TMSB15B: variants seen among roughly 807,000 people sequenced by gnomAD.
TMSB15B encodes the protein thymosin beta 15B.
At chrX:103,943,410 C>T (rs1482002796) in intron 1 of TMSB15B, among the ~76,000 whole-genome samples, 1 of 111,729 alleles carries the variant, frequency 9.0e-6, no homozygotes, top group Non-Finnish European at 1.9e-5. Flanking sequence ...CAAACATGTT[C>T]GATTAAAAAT....
chrX:103,925,763 C>T (rs2074966494), intron 1 of TMSB15B, among the ~76,000 whole-genome samples: 1 of 112,361 alleles, frequency 8.9e-6, no homozygotes, highest in Admixed American at 9.4e-5. Context: ...AATCCTAGCC[C>T]AGTTTTCTTT....
At chrX:103,926,406 G>T (rs1355739042) in intron 1 of TMSB15B, among the ~76,000 whole-genome samples, 1 of 91,554 alleles carries the variant, frequency 1.1e-5, no homozygotes, top group Non-Finnish European at 2.2e-5. Flanking sequence ...GGAGCAGGGG[G>T]GATAGAATGA....
At chrX:103,930,740 A>G (rs1369044407) in intron 1 of TMSB15B, among the ~76,000 whole-genome samples, 5 of 104,945 alleles carry the variant, frequency 4.8e-5, no homozygotes, top group Non-Finnish European at 7.7e-5. Context: ...TAATAATAAT[A>G]ATAATAATAA....
chrX:103,925,190 T>A (rs1223092674), intron 1 of TMSB15B, among the ~76,000 whole-genome samples: 1 of 112,218 alleles, frequency 8.9e-6, no homozygotes, highest in East Asian at 2.8e-4. Context: ...TGGGTCTTAA[T>A]GTCCTGGTTT....
At chrX:103,940,354 C>G (rs2075009427) in intron 1 of TMSB15B, among the ~76,000 whole-genome samples, 1 of 112,130 alleles carries the variant, frequency 8.9e-6, no homozygotes. Flanking sequence ...GATGCCCTGC[C>G]CAGAGAGGAG....
chrX:103,929,660 T>A (rs1176034158), intron 1 of TMSB15B, among the ~76,000 whole-genome samples: 6 of 111,031 alleles, frequency 5.4e-5, no homozygotes, highest in African/African-American at 2.0e-4. Flanking sequence ...TGGATGGAAA[T>A]GATAAAACTT....
At chrX:103,955,075 G>T (rs1340551546) in intron 1 of TMSB15B, among the ~76,000 whole-genome samples, 1 of 111,362 alleles carries the variant, frequency 9.0e-6, no homozygotes, top group Non-Finnish European at 1.9e-5. Flanking sequence ...AACGAAGCCA[G>T]ATGGATGAAT....
chrX:103,934,324 A>T (rs1425609619), intron 1 of TMSB15B, among the ~76,000 whole-genome samples: 1 of 110,614 alleles, frequency 9.0e-6, no homozygotes, highest in Non-Finnish European at 1.9e-5. Context: ...GCCAGAAATG[A>T]CAGGATTGCA....
chrX:103,924,376 A>T (rs1238899057), intron 1 of TMSB15B, among the ~76,000 whole-genome samples: 1 of 111,553 alleles, frequency 9.0e-6, no homozygotes, highest in Non-Finnish European at 1.9e-5. Context: ...ACTTAACAAG[A>T]TCCTATTCTA....
At chrX:103,927,611 C>T (rs782012208) in intron 1 of TMSB15B, among the ~76,000 whole-genome samples, 2 of 109,931 alleles carry the variant, frequency 1.8e-5, no homozygotes, top group Non-Finnish European at 3.8e-5. Context: ...TTAGAGAAAG[C>T]GTTGCACTTC....
chrX:103,920,641 T>C (rs1292699717), intron 1 of TMSB15B, among the ~76,000 whole-genome samples: 2 of 112,904 alleles, frequency 1.8e-5, no homozygotes, highest in Admixed American at 1.9e-4. Context: ...GGGTCTGTCA[T>C]AATGTCTTCC....
chrX:103,952,918 A>G (rs1556328543), intron 1 of TMSB15B, among the ~76,000 whole-genome samples: 1 of 112,141 alleles, frequency 8.9e-6, no homozygotes, highest in Admixed American at 9.4e-5. Flanking sequence ...ACAGAAAAAC[A>G]GGCCAGAGGG....
chrX:103,953,795 C>T (rs1213238121), intron 1 of TMSB15B, among the ~76,000 whole-genome samples: 1 of 111,591 alleles, frequency 9.0e-6, no homozygotes, highest in African/African-American at 3.3e-5. Context: ...TTGAAAATTC[C>T]CTGGGACAGA....
At chrX:103,925,952 C>T (rs782771323) in intron 1 of TMSB15B, among the ~76,000 whole-genome samples, 2 of 111,551 alleles carry the variant, frequency 1.8e-5, no homozygotes, top group Non-Finnish European at 3.8e-5. Flanking sequence ...GAGCTGAGGA[C>T]TGTTGGGGGC....
chrX:103,945,286 A>C (rs1479949928), intron 1 of TMSB15B, among the ~76,000 whole-genome samples: 4 of 112,384 alleles, frequency 3.6e-5, no homozygotes, highest in African/African-American at 1.3e-4. Flanking sequence ...AGGTTTATTT[A>C]GCTCATGGTT....
At chrX:103,923,139 C>T (rs1238966947) in intron 1 of TMSB15B, among the ~76,000 whole-genome samples, 1 of 111,750 alleles carries the variant, frequency 8.9e-6, no homozygotes, top group Non-Finnish European at 1.9e-5. Context: ...AAAATTTTCT[C>T]CCATTCTGTA....
chrX:103,928,282 G>T (rs2074974776), intron 1 of TMSB15B: 2 of 1,204,001 alleles, frequency 1.7e-6, no homozygotes, highest in Admixed American at 4.4e-5. Context: ...CCATGGCAGT[G>T]TCAGAGGCTG....
intron 1 of TMSB15B, among the ~76,000 whole-genome samples, chrX:103,920,224 G>A (rs782137118): frequency 1.8e-5 from 2 of 111,886 alleles, no homozygotes; most frequent in Non-Finnish European, 3.8e-5. Context: ...AATTTGGACC[G>A]AATCTCTGAA....
At chrX:103,921,704 A>T (rs1462881326) in intron 1 of TMSB15B, among the ~76,000 whole-genome samples, 2 of 112,371 alleles carry the variant, frequency 1.8e-5, no homozygotes, top group African/African-American at 6.5e-5. Context: ...AGGTTTAGAG[A>T]TAAAGCTTTC....
Sources: allele counts gnomAD v4.1 joint callset (sites outside exome capture counted in the v4.1 genomes callset), GRCh38; gene constraint gnomAD v4.1.1; transcripts MANE v1.5; gene names NCBI Gene and HGNC (gene_info 2026-07-23, HGNC 2026-07-21).